The following DMXL1 variants were observed in gnomAD, a reference collection of about 807,000 sequenced individuals.
DMXL1 encodes dmX-like protein 1.
A neutral mutation model predicts 319.2 loss-of-function variants in DMXL1; 99 were observed. That is an observed-to-expected ratio of 0.31 (90% CI 0.26 to 0.37). DMXL1 has a LOEUF of 0.37. DMXL1 is among the 10% of genes least tolerant of loss of function. The pLI is 1.00. For synonymous variants in DMXL1, 1,385 were observed against 1,235.2 expected (o/e 1.12, Z -2.54); for missense variants, 3,745 against 3,595.6 (o/e 1.04, Z -1.06).
Position 119,233,370 on chromosome 5 carries a change from G to A in DMXL1, c.8369G>A (p.Arg2790Lys), listed in dbSNP as rs1249231720. Residue 2790 changes from arginine (R) to lysine (K), a missense_variant, in exon 39 of 44, where the codon AGA becomes AAA. Transcript: ENST00000539542. Reference sequence around the variant, plus strand: ...ACAGGAGCTCAAGATGGAAGTGTCAGAATGTTTGAATGGGGCCATTCTCAA... The same window carrying A: ...ACAGGAGCTCAAGATGGAAGTGTCAAAATGTTTGAATGGGGCCATTCTCAA... ...YLTGAQDGSV[R>K]MFEWGHSQQI... is the part of the protein sequence containing the mutation. 6.2e-7 allele frequency: 1 copy of A among 1,613,034 alleles called. No individual in the cohort carries two copies. The highest frequency in any genetic ancestry group is 1.3e-5 in the African/African-American group (1 of 74,980).
intron 15 of DMXL1, 33 bp from the exon 16 acceptor site, chr5:119,146,804 A>G: frequency 1.3e-6 from 2 of 1,595,474 alleles, no homozygotes; most frequent in Non-Finnish European, 1.7e-6. Context: ...TTTTACACAT[A>G]GTAACAGTGA....
chr5:119,100,770 CTTTTTTTTTTT>C (rs397999092), intron 2 of DMXL1: 2 of 62,670 alleles, frequency 3.2e-5, no homozygotes, highest in Admixed American at 2.8e-4. Context: ...CATCTGTTTT[CTTTTTTTTTTT>C]TTTTTTTTTT....
chr5:119,200,728 G>A (rs1256253308), intron 32 of DMXL1, among the ~76,000 whole-genome samples: 1 of 152,060 alleles, frequency 6.6e-6, no homozygotes. Context: ...CCATTTGTTT[G>A]TGTCTTATCT....
chr5:119,129,490 T>A, intron 10 of DMXL1, 67 bp downstream of exon 10: 1 of 1,091,914 alleles, frequency 9.2e-7, no homozygotes, highest in Non-Finnish European at 1.3e-6. Flanking sequence ...CATATTAGGG[T>A]AAAACTAGCT....
chr5:119,178,491 G>A (rs1235696421), intron 28 of DMXL1: 2 of 491,480 alleles, frequency 4.1e-6, no homozygotes, highest in Non-Finnish European at 5.3e-6. Context: ...TTTTACTACT[G>A]AAACTTTCAT....
intron 3 of DMXL1, among the ~76,000 whole-genome samples, chr5:119,103,316 G>A (rs1262462472): frequency 1.3e-5 from 2 of 152,170 alleles, no homozygotes; most frequent in Non-Finnish European, 2.9e-5. Flanking sequence ...TGTTTTAATA[G>A]CAGACATACC....
intron 9 of DMXL1, among the ~76,000 whole-genome samples, chr5:119,121,697 G>A (rs1025293563): frequency 1.3e-5 from 2 of 152,290 alleles, no homozygotes; most frequent in East Asian, 1.9e-4. Flanking sequence ...ACACAGACAC[G>A]GCAACCATCC....
chr5:119,078,143 T>C (rs577048226), intron 1 of DMXL1, among the ~76,000 whole-genome samples: 5 of 152,268 alleles, frequency 3.3e-5, no homozygotes, highest in Admixed American at 2.0e-4. Flanking sequence ...GTTTCATTTA[T>C]TTATTTAAAA....
At chr5:119,185,906 C>T (rs1306757830) in intron 28 of DMXL1, among the ~76,000 whole-genome samples, 3 of 151,844 alleles carry the variant, frequency 2.0e-5, no homozygotes, top group Non-Finnish European at 4.4e-5. Flanking sequence ...TTGAAGTTTA[C>T]TTGGAAAATC....
intron 13 of DMXL1, among the ~76,000 whole-genome samples, chr5:119,139,963 A>T (rs568907226): frequency 2.0e-5 from 3 of 152,342 alleles, no homozygotes; most frequent in South Asian, 4.1e-4. Context: ...GTCAGGATTT[A>T]AAAAATAGCT....
intron 1 of DMXL1, among the ~76,000 whole-genome samples, chr5:119,097,446 A>G (rs11959739): frequency 0.87 from 133,059 of 152,202 alleles, 58,293 homozygotes; most frequent in East Asian, 0.99. Context: ...AGCCGGGCGC[A>G]GTGGCTCACG....
intron 42 of DMXL1, among the ~76,000 whole-genome samples, chr5:119,244,108 T>C (rs1233914319): frequency 6.6e-6 from 1 of 152,220 alleles, no homozygotes; most frequent in East Asian, 1.9e-4. Context: ...CCTGGTGCCA[T>C]GGTCAGGAAA....
intron 29 of DMXL1, among the ~76,000 whole-genome samples, chr5:119,192,752 A>G (rs761979861): frequency 2.6e-5 from 4 of 151,898 alleles, no homozygotes; most frequent in Non-Finnish European, 5.9e-5. Context: ...TTATTCCTTC[A>G]TAATCTTCTT....
intron 4 of DMXL1, 85 bp from the exon 5 acceptor site, chr5:119,110,066 G>T (rs1165348089): frequency 3.9e-6 from 5 of 1,275,748 alleles, no homozygotes; most frequent in Non-Finnish European, 5.3e-6. Context: ...TTTTTTAGAA[G>T]TTGTTTTATA....
intron 4 of DMXL1, among the ~76,000 whole-genome samples, chr5:119,108,099 A>G (rs191294460): frequency 1.5e-3 from 225 of 152,274 alleles, no homozygotes; most frequent in Non-Finnish European, 2.3e-3. Context: ...ATGCTGGCCC[A>G]TACCTGTAAT....
intron 19 of DMXL1, among the ~76,000 whole-genome samples, chr5:119,157,977 T>C (rs1432190901): frequency 1.3e-5 from 2 of 152,170 alleles, no homozygotes; most frequent in Non-Finnish European, 2.9e-5. Context: ...ACACTGGATA[T>C]CTTACCATTT....
Position 119,071,556 on chromosome 5 carries a change from AC to A in DMXL1, c.-13del, listed in dbSNP as rs769799446. 3 of 1,598,376 alleles carry A rather than the reference AC, an allele frequency of 1.9e-6. No homozygotes were observed. Among genetic ancestry groups the A allele is most frequent in the Non-Finnish European group, 2.6e-6 (3 of 1,172,726 alleles). ...AGCTGGATGCGGTGTCCGTTGCAGG[AC>A]TAGGGCGCCGACATGAACCTGCACC... On this transcript the variant is annotated 5_prime_UTR_variant, in exon 1 of 44. It removes the in-frame stop codon of an upstream open reading frame in the 5' UTR. Transcript: ENST00000539542.
chr5:119,144,525 T>C lies in DMXL1; in HGVS notation c.2467-11T>C. The C allele has an allele frequency of 6.4e-7, 1 of 1,573,956 alleles. No individual in the cohort carries two copies. Among genetic ancestry groups the C allele is most frequent in the Non-Finnish European group, 8.6e-7 (1 of 1,157,380 alleles). On this transcript the variant is annotated splice_polypyrimidine_tract_variant and intron_variant, in intron 14 of 43. Transcript: ENST00000539542. ...ATAGGTCAACTTACGTTGATATTTA[T>C]TTATATTCAGCATGGCAGAAAAACC... is the stretch of plus-strand genomic sequence containing the variant.
intron 35 of DMXL1, among the ~76,000 whole-genome samples, chr5:119,218,719 A>C (rs540025618): frequency 7.7e-4 from 118 of 152,330 alleles, no homozygotes; most frequent in African/African-American, 2.6e-3. Flanking sequence ...TCGGCCTCCC[A>C]AAGTGCTGGG....
Sources: gnomAD v4.1 joint callset for allele counts (sites outside exome capture counted in the v4.1 genomes callset) on GRCh38, gnomAD v4.1.1 for gene constraint, MANE v1.5 for transcripts, NCBI Gene and HGNC (gene_info 2026-07-23, HGNC 2026-07-21) for gene names.